The following SVIL variants were observed in gnomAD, a reference collection of about 807,000 sequenced individuals.
The protein encoded by SVIL is archvillin.
A neutral mutation model predicts 240.4 loss-of-function variants in SVIL; 101 were observed. The observed-to-expected ratio is 0.42, with a 90% CI of 0.36 to 0.50. SVIL has a LOEUF of 0.50. Ranked by LOEUF, SVIL falls within the 20% of genes least tolerant of loss-of-function variation. The probability of loss-of-function intolerance (pLI) is 0.01; values close to 1 mark genes in which losing one functional copy is unlikely to be tolerated. For missense variants in SVIL, 2,512 were observed against 2,818.7 expected, an observed-to-expected ratio of 0.89 and a Z score of 2.46; for synonymous variants, 999 against 1,100.0, an observed-to-expected ratio of 0.91 and a Z score of 1.82.
chr10:29,726,169 G>T (rs1242913616), intron 1 of SVIL, among the ~76,000 whole-genome samples: 1 of 152,032 alleles, frequency 6.6e-6, no homozygotes, highest in African/African-American at 2.4e-5. Context: ...TGATCCTCCT[G>T]CCTCAGCCTC....
At chr10:29,470,744 T>C (rs559443368) in intron 31 of SVIL, among the ~76,000 whole-genome samples, 2 of 152,234 alleles carry the variant, frequency 1.3e-5, no homozygotes, top group East Asian at 1.9e-4. Context: ...AAAGCCATTT[T>C]CCCAAGATTT....
intron 1 of SVIL, among the ~76,000 whole-genome samples, chr10:29,623,550 A>G (rs1182630851): frequency 6.6e-6 from 1 of 152,218 alleles, no homozygotes; most frequent in Non-Finnish European, 1.5e-5. Flanking sequence ...TCATTTCTAT[A>G]GAAACACAGT....
chr10:29,579,233 C>G (rs970926457), intron 1 of SVIL, among the ~76,000 whole-genome samples: 12 of 151,782 alleles, frequency 7.9e-5, no homozygotes, highest in Non-Finnish European at 4.4e-5. Flanking sequence ...GTCAGGAGAT[C>G]GAGACTATCC....
intron 3 of SVIL, among the ~76,000 whole-genome samples, chr10:29,655,724 T>C (rs745778152): frequency 6.6e-6 from 1 of 152,204 alleles, no homozygotes; most frequent in Non-Finnish European, 1.5e-5. Flanking sequence ...GTGGTGAGAA[T>C]GGATATCCTT....
At chr10:29,565,035 C>T (rs1453609167) in intron 2 of SVIL, among the ~76,000 whole-genome samples, 3 of 152,144 alleles carry the variant, frequency 2.0e-5, no homozygotes, top group Non-Finnish European at 4.4e-5. Flanking sequence ...AAGCTCTATA[C>T]TTTCTTTAGG....
intron 21 of SVIL, among the ~76,000 whole-genome samples, chr10:29,492,542 C>G (rs1948071786): frequency 6.6e-6 from 1 of 152,112 alleles, no homozygotes; most frequent in South Asian, 2.1e-4. Context: ...CCCCTCCGCA[C>G]TGTTCAGCCA....
intron 1 of SVIL, among the ~76,000 whole-genome samples, chr10:29,571,901 G>A (rs1955439368): frequency 6.6e-6 from 1 of 152,102 alleles, no homozygotes; most frequent in East Asian, 1.9e-4. Context: ...GGGGAGGCGG[G>A]ATCAAAATTG....
intron 1 of SVIL, chr10:29,602,308 T>C (rs909296985): frequency 3.7e-6 from 2 of 533,866 alleles, no homozygotes; most frequent in African/African-American, 1.9e-5. Context: ...TTCATGAAGG[T>C]GCACTGGGTT....
chr10:29,568,787 G>GTGGATGGATGGATGGA (rs10667163), intron 2 of SVIL, among the ~76,000 whole-genome samples: 2 of 139,782 alleles, frequency 1.4e-5, no homozygotes, highest in South Asian at 2.4e-4. Context: ...GGGTGGATGG[G>GTGGATGGATGGATGGA]TGGATGGATG....
chr10:29,546,609 T>C (rs986559520), intron 6 of SVIL, among the ~76,000 whole-genome samples: 1 of 152,204 alleles, frequency 6.6e-6, no homozygotes, highest in Non-Finnish European at 1.5e-5. Flanking sequence ...TAAGAATTAA[T>C]GATTATTCTG....
Position 29,522,644 on chromosome 10 carries a change from G to C in SVIL, c.3164-9C>G. On this transcript the variant is annotated splice_polypyrimidine_tract_variant and intron_variant, in intron 15 of 37. Coordinates refer to ENST00000355867, the MANE Select transcript of SVIL (RefSeq NM_021738.3). ...CTCCCCGAACTCTGCCGCTGGGAAG[G>C]AAAAGAGCAACATCAGCACTGAACT... 1 of 1,612,714 alleles carries C rather than the reference G, an allele frequency of 6.2e-7. No individual in the cohort carries two copies. The highest frequency in any genetic ancestry group is 1.1e-5 in the South Asian group (1 of 90,794).
chr10:29,543,509 A>G (rs772311100), intron 6 of SVIL, among the ~76,000 whole-genome samples: 12 of 152,192 alleles, frequency 7.9e-5, no homozygotes, highest in Non-Finnish European at 1.8e-4. Flanking sequence ...CTGTTAAATC[A>G]GGTTTCCACA....
intron 20 of SVIL, 22 bp downstream of exon 20, chr10:29,494,892 C>A: frequency 1.2e-6 from 2 of 1,605,622 alleles, no homozygotes; most frequent in Non-Finnish European, 1.7e-6. Context: ...GAGAGCAAAG[C>A]CTTCTGGCTT....
At chr10:29,517,035 T>C (rs1272496838) in intron 16 of SVIL, among the ~76,000 whole-genome samples, 10 of 152,176 alleles carry the variant, frequency 6.6e-5, no homozygotes. Flanking sequence ...TAAGTACTTA[T>C]ATTAGATCTT....
chr10:29,650,791 T>TA (rs1314664576), intron 3 of SVIL, among the ~76,000 whole-genome samples: 1 of 151,884 alleles, frequency 6.6e-6, no homozygotes, highest in Non-Finnish European at 1.5e-5. Flanking sequence ...TCTACAAAAA[T>TA]AAAAATCATA....
chr10:29,542,584 G>C (rs1952260867), intron 6 of SVIL, among the ~76,000 whole-genome samples: 1 of 152,086 alleles, frequency 6.6e-6, no homozygotes, highest in Non-Finnish European at 1.5e-5. Context: ...GGGTATCTGA[G>C]ATGTTTTGAT....
chr10:29,587,102 A>G (rs1249108961), intron 1 of SVIL, among the ~76,000 whole-genome samples: 1 of 152,222 alleles, frequency 6.6e-6, no homozygotes, highest in Admixed American at 6.5e-5. Context: ...CTGATACAGA[A>G]CTGAACACAC....
intron 1 of SVIL, among the ~76,000 whole-genome samples, chr10:29,607,990 C>T (rs939168722): frequency 3.3e-5 from 5 of 152,204 alleles, no homozygotes; most frequent in African/African-American, 7.2e-5. Context: ...AATGTAGATG[C>T]GCTGCAAGAC....
intron 22 of SVIL, among the ~76,000 whole-genome samples, chr10:29,489,702 C>T (rs1947768164): frequency 6.6e-6 from 1 of 151,990 alleles, no homozygotes; most frequent in African/African-American, 2.4e-5. Context: ...TGAGTGCCAC[C>T]ACACCTGGCT....
Sources: allele counts gnomAD v4.1 joint callset (sites outside exome capture counted in the v4.1 genomes callset), GRCh38; gene constraint gnomAD v4.1.1; transcripts MANE v1.5; gene names NCBI Gene and HGNC (gene_info 2026-07-23, HGNC 2026-07-21).